Variants in SLK observed in about 807,000 individuals in gnomAD.
The protein encoded by SLK is STE20-like serine/threonine-protein kinase.
SLK carries 67 observed loss-of-function variants against 147.7 expected under a neutral mutation model. The ratio of observed to expected loss-of-function variants is 0.45; its 90% CI spans 0.37 to 0.56. The LOEUF is 0.56. Among genes scored for constraint, SLK ranks in the 20% least tolerant of loss-of-function variants. The probability of loss-of-function intolerance (pLI) is 0.00; values close to 1 mark genes in which losing one functional copy is unlikely to be tolerated. For synonymous variants in SLK, 441 were observed against 475.0 expected, an observed-to-expected ratio of 0.93 and a Z score of 0.93; for missense variants, 1,136 against 1,438.8, an observed-to-expected ratio of 0.79 and a Z score of 3.41.
Position 103,992,591 on chromosome 10 carries a change from C to CAT in SLK, c.316-6_316-5dup, listed in dbSNP as rs1844112284. ...ACACACGCTTTTTTTTTTTTTTTTG[C>CAT]ATGCAGATCCTCATTGAATTTTGTG... On this transcript the variant is annotated splice_polypyrimidine_tract_variant and splice_region_variant and intron_variant, in intron 2 of 18. Transcript: ENST00000369755. 1.7e-6 allele frequency: 2 copies of CAT among 1,184,072 alleles called. No individual in the cohort carries two copies. Among genetic ancestry groups the CAT allele is most frequent in the East Asian group, 9.7e-5 (2 of 20,604 alleles). 73.3% of individuals were successfully genotyped at this position (1,184,072 alleles called of 1,614,324 possible).
At position 103,967,758 on chromosome 10, in the gene SLK, A is replaced by C. The variant is rs766601211; in HGVS notation, c.13A>C (p.Asn5His). 28 of 1,613,948 alleles carry C rather than the reference A, an allele frequency of 1.7e-5. No homozygotes were observed. Among genetic ancestry groups the C allele is most frequent in the South Asian group, 1.6e-4 (15 of 91,092 alleles). The part of the protein sequence containing the change: MSFF[N>H]FRKIFKLGSE... ...GTTGGGAGGAAAAATGTCCTTCTTCAATTTCCGTAAGATCTTCAAGTTGGG... is the reference window on the plus strand; with the variant it reads ...GTTGGGAGGAAAAATGTCCTTCTTCCATTTCCGTAAGATCTTCAAGTTGGG... Residue 5 changes from asparagine to histidine, a missense_variant, in exon 1 of 19, where the codon AAT becomes CAT. Around this residue, in one of 6 missense-constraint regions of SLK, gnomAD observed 126 missense variants for 141.3 expected, o/e 0.89. Coordinates refer to ENST00000369755, the MANE Select transcript of SLK (RefSeq NM_014720.4).
At chr10:104,001,861 A>G (rs562918867) in intron 8 of SLK, among the ~76,000 whole-genome samples, 2 of 152,138 alleles carry the variant, frequency 1.3e-5, no homozygotes, top group South Asian at 4.2e-4. Context: ...GACTACAGGC[A>G]TGCGCCACCA....
At chr10:103,980,960 C>A (rs1297172864) in intron 1 of SLK, among the ~76,000 whole-genome samples, 1 of 152,126 alleles carries the variant, frequency 6.6e-6, no homozygotes, top group Admixed American at 6.5e-5. Flanking sequence ...CACAAGAGTT[C>A]TAATTTCTCC....
chr10:104,016,085 G>A (rs908817225), intron 13 of SLK, among the ~76,000 whole-genome samples: 7 of 152,058 alleles, frequency 4.6e-5, no homozygotes, highest in African/African-American at 1.7e-4. Flanking sequence ...TTGGGAGGCC[G>A]AGGTGGGCGA....
intron 11 of SLK, among the ~76,000 whole-genome samples, chr10:104,006,692 A>G (rs1844330139): frequency 6.6e-6 from 1 of 152,232 alleles, no homozygotes; most frequent in Admixed American, 6.5e-5. Flanking sequence ...GAAATGTTAC[A>G]GTACTCATGT....
rs879848971 is a variant in SLK at position 103,976,584 on chromosome 10, T to TA, written c.150+8700dup. ...TGGAATTCCTGGTTATTTGCCCAAT[T>TA]AAAAAAAAAAAGCTCTATTTTGAGG... On this transcript the variant is annotated intron_variant, in intron 1 of 18. Coordinates refer to ENST00000369755, the MANE Select transcript of SLK (RefSeq NM_014720.4). Among the ~76,000 whole-genome samples the TA allele has an allele frequency of 7.4e-3, 1,085 of 146,532 alleles. 8 individuals carry two copies. Among genetic ancestry groups the TA allele is most frequent in the Middle Eastern group, 0.032 (9 of 282 alleles).
chr10:104,005,542 A>G lies in SLK; in HGVS notation c.2350-19A>G. 6.3e-7 allele frequency: 1 copy of G among 1,591,934 alleles called. No homozygotes were observed. Among genetic ancestry groups the G allele is most frequent in the Non-Finnish European group, 8.5e-7 (1 of 1,172,954 alleles). ...AGTATTCCTTGTACAAAGCCTAACT[A>G]AAATAAAATCTCACTCAGGAAACAA... On this transcript the variant is annotated intron_variant, in intron 9 of 18. Transcript: ENST00000369755.
chr10:103,983,650 C>T (rs1009709671), intron 1 of SLK, among the ~76,000 whole-genome samples: 4 of 140,570 alleles, frequency 2.8e-5, no homozygotes, highest in African/African-American at 1.1e-4. Context: ...GTTACTTTGA[C>T]CATCACCCTT....
intron 12 of SLK, among the ~76,000 whole-genome samples, chr10:104,009,438 A>G (rs1368874428): frequency 6.6e-6 from 1 of 152,114 alleles, no homozygotes; most frequent in East Asian, 1.9e-4. Context: ...AAATACAGTG[A>G]TTTTATGATT....
chr10:104,024,589 C>G (rs1346386419), intron 18 of SLK, among the ~76,000 whole-genome samples: 1 of 152,180 alleles, frequency 6.6e-6, no homozygotes, highest in African/African-American at 2.4e-5. Flanking sequence ...CTTCCCTATG[C>G]TCCCTATCAA....
intron 1 of SLK, among the ~76,000 whole-genome samples, chr10:103,972,026 T>G (rs1394856537): frequency 6.6e-6 from 1 of 152,264 alleles, no homozygotes; most frequent in Non-Finnish European, 1.5e-5. Flanking sequence ...ACTTGAACTT[T>G]ATATGAATGG....
At chr10:103,992,910 A>G (rs754207256) in intron 3 of SLK, 74 bp from the exon 4 acceptor site, 67 of 1,062,760 alleles carry the variant, frequency 6.3e-5, no homozygotes, top group Non-Finnish European at 8.9e-5. Flanking sequence ...TGATATATAC[A>G]GAAAGGTATA....
chr10:103,992,795 AT>A (rs1844118192), intron 3 of SLK, 149 bp downstream of exon 3: 1 of 697,686 alleles, frequency 1.4e-6, no homozygotes, highest in Non-Finnish European at 2.3e-6. Flanking sequence ...TTCTTGGATA[AT>A]TATAGTAAAA....
chr10:104,013,101 A>G (rs1762921226), intron 13 of SLK, among the ~76,000 whole-genome samples: 1 of 152,246 alleles, frequency 6.6e-6, no homozygotes, highest in African/African-American at 2.4e-5. Flanking sequence ...AACAAATATT[A>G]AAAGTATTTC....
chr10:103,978,708 C>T (rs1050963746), intron 1 of SLK, among the ~76,000 whole-genome samples: 5 of 152,126 alleles, frequency 3.3e-5, no homozygotes, highest in African/African-American at 1.2e-4. Context: ...AAGGATATAA[C>T]TACTGAATGT....
At chr10:103,999,001 A>G (rs368125310) in intron 5 of SLK, 30 bp downstream of exon 5, 5 of 1,556,346 alleles carry the variant, frequency 3.2e-6, no homozygotes, top group African/African-American at 2.7e-5. Flanking sequence ...AATTTATAGT[A>G]TTAGTCATGT....
chr10:103,996,691 G>A (rs1365730435), intron 4 of SLK, among the ~76,000 whole-genome samples: 2 of 152,010 alleles, frequency 1.3e-5, no homozygotes, highest in East Asian at 1.9e-4. Flanking sequence ...CACCGTGCCC[G>A]GCCTTCTAAT....
At position 104,028,767 on chromosome 10, in the gene SLK, A is replaced by G. The variant is rs971140953; in HGVS notation, c.*3047A>G. On this transcript the variant is annotated 3_prime_UTR_variant, in exon 19 of 19. Transcript: ENST00000369755. ...CATTCCACACTGTGCTTAAATGACA[A>G]AGACTCTTCTGAGAAGCCAAATTCT... 4.6e-5 allele frequency: 7 copies of G among 152,216 alleles called. No individual in the cohort carries two copies. Among genetic ancestry groups the G allele is most frequent in the Admixed American group, 6.5e-5 (1 of 15,284 alleles). 9.4% of individuals were successfully genotyped at this position (152,216 alleles called of 1,614,324 possible).
At chr10:103,990,597 CTT>C in intron 1 of SLK, 76 bp from the exon 2 acceptor site, 1 of 831,248 alleles carries the variant, frequency 1.2e-6, no homozygotes, top group Non-Finnish European at 1.8e-6. Context: ...TGAATTAAAA[CTT>C]AAAATCTATT....
Sources: allele counts gnomAD v4.1 joint callset (sites outside exome capture counted in the v4.1 genomes callset), GRCh38; gene constraint gnomAD v4.1.1; regional missense constraint gnomAD v4.1.1; transcripts MANE v1.5; gene names NCBI Gene and HGNC (gene_info 2026-07-23, HGNC 2026-07-21).